MRE11: variants seen among roughly 807,000 people sequenced by gnomAD.
The protein encoded by MRE11 is double-strand break repair protein MRE11.
A neutral mutation model predicts 91.7 loss-of-function variants in MRE11; 62 were observed. The ratio of observed to expected loss-of-function variants is 0.68; its 90% CI spans 0.55 to 0.84. The LOEUF is 0.84. Among genes scored for constraint, MRE11 ranks in the 40% least tolerant of loss-of-function variants. MRE11 has a pLI of 0.00. For missense variants in MRE11, 796 were observed against 852.9 expected (o/e 0.93, Z 0.83); for synonymous variants, 273 against 271.4 (o/e 1.01, Z -0.06).
chr11:94,446,111 A>C (rs541428790), intron 15 of MRE11, among the ~76,000 whole-genome samples: 1 of 152,360 alleles, frequency 6.6e-6, no homozygotes, highest in South Asian at 2.1e-4. Context: ...TATCCAATTA[A>C]AATGTAAGGA....
intron 11 of MRE11, among the ~76,000 whole-genome samples, chr11:94,462,134 A>G (rs1213936822): frequency 1.3e-5 from 2 of 152,162 alleles, no homozygotes; most frequent in Non-Finnish European, 2.9e-5. Flanking sequence ...CTACACCAAT[A>G]ACAGACAAAC....
At chr11:94,443,157 G>A (rs1013182135) in intron 16 of MRE11, among the ~76,000 whole-genome samples, 1 of 152,140 alleles carries the variant, frequency 6.6e-6, no homozygotes, top group Non-Finnish European at 1.5e-5. Context: ...TTACTTCCAA[G>A]GCAAATTAGT....
intron 5 of MRE11, 117 bp from the exon 6 acceptor site, chr11:94,478,993 G>T (rs1379606168): frequency 3.6e-6 from 4 of 1,121,772 alleles, no homozygotes; most frequent in East Asian, 5.1e-5. Context: ...CATAGATGAG[G>T]ATAGTGTCTT....
intron 13 of MRE11, among the ~76,000 whole-genome samples, chr11:94,458,019 A>G (rs892340172): frequency 1.2e-4 from 17 of 141,340 alleles, no homozygotes; most frequent in Non-Finnish European, 2.3e-4. Flanking sequence ...GCTATAAATT[A>G]GCAAACCCAA....
chr11:94,472,947 A>G (rs1055063071), intron 7 of MRE11: 3 of 152,106 alleles, frequency 2.0e-5, no homozygotes, highest in Non-Finnish European at 4.4e-5. Flanking sequence ...TAGGTGCTGT[A>G]AAGAAAAATA....
upstream of MRE11, among the ~76,000 whole-genome samples, chr11:94,495,578 C>T (rs1203156344): frequency 6.6e-6 from 1 of 152,192 alleles, no homozygotes; most frequent in East Asian, 1.9e-4. Context: ...GCTGGGAATT[C>T]GTATTTGTAA....
the MRE11 span, among the ~76,000 whole-genome samples, chr11:94,502,138 C>T: frequency 6.6e-6 from 1 of 151,312 alleles, no homozygotes; most frequent in Non-Finnish European, 1.5e-5. Flanking sequence ...GTGAGCCTCA[C>T]AACAACTCTC....
intron 13 of MRE11, among the ~76,000 whole-genome samples, chr11:94,457,887 T>TCTCACACACACACACA (rs372404360): frequency 6.9e-6 from 1 of 144,220 alleles, no homozygotes; most frequent in African/African-American, 2.6e-5. Context: ...TCTCTCTCTC[T>TCTCACACACACACACA]CACACACACA....
intron 19 of MRE11, among the ~76,000 whole-genome samples, chr11:94,425,204 A>T (rs1278049347): frequency 6.6e-6 from 1 of 152,218 alleles, no homozygotes; most frequent in East Asian, 1.9e-4. Context: ...CTGCATCCTT[A>T]AAGAAAAAAG....
the MRE11 span, among the ~76,000 whole-genome samples, chr11:94,506,419 T>A: frequency 6.6e-6 from 1 of 152,016 alleles, no homozygotes; most frequent in Non-Finnish European, 1.5e-5. Context: ...TATGCATTGG[T>A]ATATAATTGA....
chr11:94,417,442 A>T lies in MRE11; in HGVS notation c.*2683T>A, dbSNP rs2134720161. ...ATACCTAAGTAAAGCAAATTACATG[A>T]TTAGAAGGCTAATTATGGTATTACT... is the stretch of plus-strand genomic sequence containing the variant. On this transcript the variant is annotated 3_prime_UTR_variant, in exon 20 of 20. Transcript: ENST00000323929. 4.3e-6 allele frequency: 1 copy of T among 232,882 alleles called. No individual in the cohort carries two copies. The highest frequency in any genetic ancestry group is 1.8e-4 in the South Asian group (1 of 5,526). The allele number at this position is 232,882 out of a possible 1,614,324, so 14.4% of individuals were successfully genotyped here.
At chr11:94,476,885 A>G (rs1051304276) in intron 6 of MRE11, among the ~76,000 whole-genome samples, 1 of 151,790 alleles carries the variant, frequency 6.6e-6, no homozygotes. Context: ...ACGTCTGGCT[A>G]ATTTTTGCAC....
rs544616933 is a variant in MRE11 at position 94,423,004 on chromosome 11, C to T, written c.2071-2823G>A. ...CTGGGATTACAGGCATGAGCTACCGCGCCCAGCCTGAAACTATTTTTAAAA... is the reference window on the plus strand; with the variant it reads ...CTGGGATTACAGGCATGAGCTACCGTGCCCAGCCTGAAACTATTTTTAAAA... On this transcript the variant is annotated intron_variant, in intron 19 of 19. Coordinates refer to ENST00000323929, the MANE Select transcript of MRE11 (RefSeq NM_005591.4). 7.9e-5 allele frequency among the ~76,000 whole-genome samples: 12 copies of T among 152,242 alleles called. No homozygotes were observed. In the South Asian group the frequency reaches 1.2e-3, roughly 16 times the overall value.
At chr11:94,455,012 A>C (rs1456907080) in intron 14 of MRE11, among the ~76,000 whole-genome samples, 1 of 152,218 alleles carries the variant, frequency 6.6e-6, no homozygotes, top group South Asian at 2.1e-4. Flanking sequence ...CTTCCAAAAA[A>C]CAACCTGTAA....
chr11:94,476,973 G>A (rs971491629), intron 6 of MRE11, among the ~76,000 whole-genome samples: 2 of 152,162 alleles, frequency 1.3e-5, no homozygotes, highest in Non-Finnish European at 2.9e-5. Flanking sequence ...ACCTGCCTTG[G>A]CCTCCCAAAG....
At chr11:94,447,888 CCCA>C (rs1356207372) in intron 14 of MRE11, among the ~76,000 whole-genome samples, 3 of 151,612 alleles carry the variant, frequency 2.0e-5, no homozygotes, top group African/African-American at 7.3e-5. Flanking sequence ...GGAGAACCTC[CCCA>C]CCAATCAAAT....
chr11:94,444,787 CAATT>C (rs1024965233), intron 16 of MRE11, among the ~76,000 whole-genome samples: 8 of 151,872 alleles, frequency 5.3e-5, no homozygotes, highest in Non-Finnish European at 1.0e-4. Flanking sequence ...AGTGTGTCAA[CAATT>C]AATCCTAGCT....
chr11:94,445,088 C>CTTA lies in MRE11; in HGVS notation c.1867+721_1867+722insTAA, dbSNP rs556901427. Among the ~76,000 whole-genome samples, 6 of 152,086 alleles carry CTTA rather than the reference C, an allele frequency of 3.9e-5. No homozygotes were observed. In the South Asian group the frequency reaches 1.2e-3, roughly 32 times the overall value. ...CACAAATTAATTCCAAGGGCCTAGC[C>CTTA]ATAATTTCTCTTAAATATAGGTCAC... On this transcript the variant is annotated intron_variant, in intron 16 of 19. Transcript: ENST00000323929.
chr11:94,490,419 C>T (rs1947255998), intron 3 of MRE11, among the ~76,000 whole-genome samples: 2 of 152,170 alleles, frequency 1.3e-5, no homozygotes, highest in Admixed American at 6.5e-5. Context: ...TTTTTTCTGC[C>T]TCTAAACTCA....
Sources: gnomAD v4.1 joint callset for allele counts (sites outside exome capture counted in the v4.1 genomes callset) on GRCh38, gnomAD v4.1.1 for gene constraint, MANE v1.5 for transcripts, NCBI Gene and HGNC (gene_info 2026-07-23, HGNC 2026-07-21) for gene names.